Variants in MXD1 observed in about 807,000 individuals in gnomAD.
MXD1 encodes MAX dimerization protein 1, also known as MAX-binding protein.
MXD1 carries 9 observed loss-of-function variants against 25.7 expected under a neutral mutation model. That is an observed-to-expected ratio of 0.35 (90% CI 0.21 to 0.61). MXD1 has a LOEUF of 0.61. Ranked by LOEUF, MXD1 falls within the 20% of genes least tolerant of loss-of-function variation. The probability of loss-of-function intolerance (pLI) is 0.75; values close to 1 mark genes in which losing one functional copy is unlikely to be tolerated. For synonymous variants in MXD1, 99 were observed against 113.9 expected, an observed-to-expected ratio of 0.87 and a Z score of 0.83; for missense variants, 227 against 292.4, an observed-to-expected ratio of 0.78 and a Z score of 1.63.
intron 5 of MXD1, 25 bp from the exon 6 acceptor site, chr2:69,938,072 T>C (rs1677499634): frequency 1.9e-6 from 3 of 1,608,038 alleles, no homozygotes; most frequent in Non-Finnish European, 2.6e-6. Context: ...TTCATCAATG[T>C]CCTTCTCTCT....
At chr2:69,932,414 C>A (rs1048870623) in intron 3 of MXD1, among the ~76,000 whole-genome samples, 2 of 152,188 alleles carry the variant, frequency 1.3e-5, no homozygotes, top group African/African-American at 4.8e-5. Context: ...GTGGGGATGT[C>A]TGCAGGCAGT....
chr2:69,921,702 T>C, intron 2 of MXD1, 34 bp from the exon 3 acceptor site: 2 of 1,591,828 alleles, frequency 1.3e-6, no homozygotes. Flanking sequence ...AAGACAAAAA[T>C]ATCTTATTCT....
At chr2:69,924,411 A>G (rs1011904341) in intron 3 of MXD1, among the ~76,000 whole-genome samples, 1 of 152,210 alleles carries the variant, frequency 6.6e-6, no homozygotes, top group African/African-American at 2.4e-5. Context: ...TTTCTAGTCT[A>G]GAGCATGTGA....
chr2:69,922,214 TGAA>T (rs927287975), intron 3 of MXD1, among the ~76,000 whole-genome samples: 2 of 152,224 alleles, frequency 1.3e-5, no homozygotes, highest in Non-Finnish European at 2.9e-5. Flanking sequence ...TACTTGTGAA[TGAA>T]GAGTCTCAAA....
At chr2:69,923,370 T>A (rs1020997375) in intron 3 of MXD1, among the ~76,000 whole-genome samples, 2 of 152,162 alleles carry the variant, frequency 1.3e-5, no homozygotes, top group Non-Finnish European at 2.9e-5. Context: ...GCTTTCTCAG[T>A]GCCCTGCATG....
intron 1 of MXD1, 96 bp from the exon 2 acceptor site, chr2:69,916,025 T>C: frequency 1.4e-6 from 1 of 728,314 alleles, no homozygotes; most frequent in Non-Finnish European, 2.4e-6. Flanking sequence ...ACAATATTCT[T>C]TTAAAGATAA....
chr2:69,930,270 G>A (rs1310621411), intron 3 of MXD1, among the ~76,000 whole-genome samples: 3 of 152,172 alleles, frequency 2.0e-5, no homozygotes, highest in African/African-American at 7.2e-5. Flanking sequence ...TTGCACATGA[G>A]ATATGTGAAG....
chr2:69,937,947 G>A (rs907330613), intron 5 of MXD1, 150 bp from the exon 6 acceptor site: 10 of 685,456 alleles, frequency 1.5e-5, no homozygotes, highest in South Asian at 3.8e-5. Context: ...GGGTTTCACT[G>A]TGTTGGCCCA....
At chr2:69,920,945 T>C (rs1328158176) in intron 2 of MXD1, among the ~76,000 whole-genome samples, 2 of 152,204 alleles carry the variant, frequency 1.3e-5, no homozygotes, top group Non-Finnish European at 2.9e-5. Context: ...CCATCACACC[T>C]TTCATCCAAG....
intron 3 of MXD1, among the ~76,000 whole-genome samples, chr2:69,924,479 T>C (rs1677133586): frequency 6.6e-6 from 1 of 152,200 alleles, no homozygotes; most frequent in African/African-American, 2.4e-5. Context: ...CATTGGTTGC[T>C]GCAGTTCAGG....
In MXD1 at chr2:69,937,384, C is replaced by A. The variant is rs1316122931; in HGVS notation, c.468C>A (p.Asp156Glu). Residue 156 changes from aspartate to glutamate, a missense_variant, in exon 5 of 6, where the codon GAC (aspartate) becomes GAA (glutamate). Transcript: ENST00000264444. ...IGSTVSSERS[D>E]SDREEIDVDV... is the part of the protein sequence containing the mutation. The stretch of plus-strand genomic sequence containing the variant: ...CCACCGTCTCCTCGGAGCGCTCCGA[C>A]TCCGACAGGGGTGAGCCTCTCTCAC... 4 of 1,606,998 alleles carry A rather than the reference C, an allele frequency of 2.5e-6. No homozygotes were observed. The highest frequency in any genetic ancestry group is 3.4e-6 in the Non-Finnish European group (4 of 1,176,588).
intron 5 of MXD1, 32 bp from the exon 6 acceptor site, chr2:69,938,065 A>T: frequency 6.2e-7 from 1 of 1,604,598 alleles, no homozygotes; most frequent in Non-Finnish European, 8.5e-7. Flanking sequence ...GAGCGCTTTC[A>T]TCAATGTCCT....
chr2:69,931,666 C>T (rs1360282516), intron 3 of MXD1, among the ~76,000 whole-genome samples: 1 of 152,154 alleles, frequency 6.6e-6, no homozygotes, highest in African/African-American at 2.4e-5. Flanking sequence ...ATACTTAAAA[C>T]TTACTGAATA....
In MXD1 at chr2:69,938,970, C is replaced by T. The variant is rs191497533; in HGVS notation, c.*686C>T. ...AAATTGTTTGTTCTCACAAACAAAACGGTACAATCTATTTTTGTGCGATGT... is the reference window on the plus strand; with the variant it reads ...AAATTGTTTGTTCTCACAAACAAAATGGTACAATCTATTTTTGTGCGATGT... On this transcript the variant is annotated 3_prime_UTR_variant, in exon 6 of 6. Coordinates refer to ENST00000264444, the MANE Select transcript of MXD1 (RefSeq NM_002357.4). 4.5e-4 allele frequency: 68 copies of T among 152,700 alleles called. No homozygotes were observed. Among genetic ancestry groups the T allele is most frequent in the African/African-American group, 1.5e-3 (63 of 41,566 alleles). 9.5% of individuals were successfully genotyped at this position (152,700 alleles called of 1,614,324 possible). A position where few individuals can be genotyped will look rare whatever the true frequency, so the allele number is the denominator to read the frequency against.
At chr2:69,928,836 CAAAA>C (rs1677220328) in intron 3 of MXD1, among the ~76,000 whole-genome samples, 1 of 151,878 alleles carries the variant, frequency 6.6e-6, no homozygotes, top group Non-Finnish European at 1.5e-5. Flanking sequence ...ACAATGCAGA[CAAAA>C]AAAGAAAGAA....
chr2:69,930,324 A>G (rs1211013068), intron 3 of MXD1, among the ~76,000 whole-genome samples: 1 of 152,098 alleles, frequency 6.6e-6, no homozygotes, highest in Non-Finnish European at 1.5e-5. Flanking sequence ...ATTTGCCTCT[A>G]TTTTTATTCT....
chr2:69,927,978 G>A (rs1053044319), intron 3 of MXD1, among the ~76,000 whole-genome samples: 10 of 151,782 alleles, frequency 6.6e-5, no homozygotes, highest in Admixed American at 6.6e-4. Context: ...GTGACTTGTA[G>A]TCTTCACCTG....
At chr2:69,937,459 TACTGCGGACAGG>T in intron 5 of MXD1, 65 bp downstream of exon 5, 1 of 1,456,956 alleles carries the variant, frequency 6.9e-7, no homozygotes, top group Non-Finnish European at 9.2e-7. Flanking sequence ...AGGGGTTCAG[TACTGCGGACAGG>T]AGGCAGAGTG....
At position 69,915,419 on chromosome 2, in the gene MXD1, G is replaced by A. The variant is rs892217199; in HGVS notation, c.73+16G>A. On this transcript the variant is annotated intron_variant, in intron 1 of 5. Coordinates refer to ENST00000264444, the MANE Select transcript of MXD1 (RefSeq NM_002357.4). The surrounding 1 kb of genome is among the most constrained non-coding windows in gnomAD (Gnocchi z 5.8). ...CGGGAGAGAGGTGCACGGGGACGGG[G>A]AGGGGTCCACTCGAAACGAGGCCGG... 1.3e-5 allele frequency: 16 copies of A among 1,272,006 alleles called. No homozygotes were observed. The highest frequency in any genetic ancestry group is 9.4e-5 in the East Asian group (3 of 31,804). The allele number at this position is 1,272,006 out of a possible 1,614,324, so 78.8% of individuals were successfully genotyped here.
Sources: allele counts gnomAD v4.1 joint callset (sites outside exome capture counted in the v4.1 genomes callset), GRCh38; gene constraint gnomAD v4.1.1; non-coding constraint Gnocchi (gnomAD v3.1); transcripts MANE v1.5; gene names NCBI Gene and HGNC (gene_info 2026-07-23, HGNC 2026-07-21).